SFTPD: variants seen among roughly 807,000 people sequenced by gnomAD.
SFTPD encodes pulmonary surfactant-associated protein D.
A neutral mutation model predicts 34.6 loss-of-function variants in SFTPD; 18 were observed. The observed-to-expected ratio is 0.52, with a 90% CI of 0.36 to 0.77. The LOEUF (loss-of-function observed/expected upper bound fraction) is 0.77. SFTPD is among the 30% of genes least tolerant of loss of function. The pLI is 0.00. For missense variants in SFTPD, 433 were observed against 468.9 expected (o/e 0.92, Z 0.71); for synonymous variants, 155 against 180.9 (o/e 0.86, Z 1.15).
In SFTPD at chr10:79,937,998, T is replaced by C; in HGVS notation, c.982A>G (p.Thr328Ala). ...TTGGAATAGACCAGGGACTCTCCTG[T>C]GGGGTAGGTGAACTTGCCCTCTGTC... Reference protein sequence around the residue: ...SKTEGKFTYPTGESLVYSNWA... With the variant: ...SKTEGKFTYPAGESLVYSNWA... Residue 328 changes from threonine to alanine, a missense_variant, in exon 8 of 8, where the codon ACA becomes GCA. By Grantham distance (58) the Thr-to-Ala change is moderately conservative. Transcript: ENST00000372292. The C allele has an allele frequency of 6.2e-7, 1 of 1,613,882 alleles. No homozygotes were observed. The highest frequency in any genetic ancestry group is 8.5e-7 in the Non-Finnish European group (1 of 1,179,796).
At chr10:79,941,002 T>C (rs1307710657) in intron 6 of SFTPD, among the ~76,000 whole-genome samples, 1 of 121,598 alleles carries the variant, frequency 8.2e-6, no homozygotes, top group Non-Finnish European at 1.6e-5. Context: ...TCACTGACAC[T>C]GAACCAGATG....
At chr10:79,940,029 AG>A (rs1330854545) in intron 7 of SFTPD, among the ~76,000 whole-genome samples, 1 of 152,200 alleles carries the variant, frequency 6.6e-6, no homozygotes, top group Admixed American at 6.5e-5. Context: ...GCCCAGAAGC[AG>A]CCTGCCCCCT....
intron 1 of SFTPD, among the ~76,000 whole-genome samples, chr10:79,955,657 T>C (rs2132509896): frequency 6.6e-6 from 1 of 152,350 alleles, no homozygotes; most frequent in Middle Eastern, 3.4e-3. Context: ...ATGGGCTGAA[T>C]CCAATTCACA....
At chr10:79,954,015 T>TA (rs1396844788), upstream of SFTPD, among the ~76,000 whole-genome samples, 1 of 145,286 alleles carries the variant, frequency 6.9e-6, no homozygotes, top group Non-Finnish European at 1.5e-5. Context: ...TTTTTTTTTT[T>TA]ATATAGTTTT....
intron 1 of SFTPD, among the ~76,000 whole-genome samples, chr10:79,961,306 T>G (rs1842771131): frequency 6.6e-6 from 1 of 152,082 alleles, no homozygotes; most frequent in Non-Finnish European, 1.5e-5. Context: ...GGGATCTAAT[T>G]AAACTAAAGA....
upstream of SFTPD, among the ~76,000 whole-genome samples, chr10:79,952,956 C>T (rs574917023): frequency 2.0e-5 from 3 of 152,278 alleles, no homozygotes; most frequent in African/African-American, 4.8e-5. Flanking sequence ...GAGCAACTTC[C>T]CCTCCTACCC....
At chr10:79,944,931 A>G (rs1337683073) in intron 2 of SFTPD, among the ~76,000 whole-genome samples, 1 of 152,004 alleles carries the variant, frequency 6.6e-6, no homozygotes, top group Admixed American at 6.6e-5. Context: ...GGTTGTCACA[A>G]GCACAGACTT....
intron 1 of SFTPD, among the ~76,000 whole-genome samples, chr10:79,957,786 G>A (rs553475331): frequency 6.6e-6 from 1 of 152,220 alleles, no homozygotes; most frequent in South Asian, 2.1e-4. Context: ...TTCAAATTCA[G>A]GAAATACAGA....
chr10:79,966,958 C>T lies in SFTPD; in HGVS notation c.36+15617G>A, dbSNP rs905077915. 8.1e-4 allele frequency among the ~76,000 whole-genome samples: 118 copies of T among 146,252 alleles called. 8 individuals are homozygous for T. Among genetic ancestry groups the T allele is most frequent in the African/African-American group, 2.8e-3 (106 of 38,510 alleles). ...TGTTGGACGTTCTGGCCAGGGCAAT[C>T]AGGCAGGAGAAGGAAATAAAGGGTA... On this transcript the variant is annotated intron_variant, in intron 1 of 5. Coordinates refer to the SFTPD transcript ENST00000444384.
chr10:79,954,816 G>A (rs1247668068), intron 1 of SFTPD, among the ~76,000 whole-genome samples: 1 of 152,168 alleles, frequency 6.6e-6, no homozygotes, highest in East Asian at 1.9e-4. Context: ...GAGAAGCCAA[G>A]GCAGGGCTTG....
intron 2 of SFTPD, among the ~76,000 whole-genome samples, chr10:79,945,638 C>T (rs1842656800): frequency 6.6e-6 from 1 of 152,158 alleles, no homozygotes; most frequent in African/African-American, 2.4e-5. Flanking sequence ...GATAATTCAC[C>T]TATTAGGTAC....
intron 1 of SFTPD, chr10:79,968,567 G>T (rs538012737): frequency 6.6e-6 from 1 of 152,264 alleles, no homozygotes; most frequent in Non-Finnish European, 1.5e-5. Flanking sequence ...GTCCACTGTT[G>T]ATAGGCATCT....
At chr10:79,968,218 G>A (rs1405406163) in intron 1 of SFTPD, 1 of 28,036 alleles carries the variant, frequency 3.6e-5, no homozygotes, top group African/African-American at 1.6e-4. Context: ...TAGATTTAGG[G>A]TGTACCTGTG....
intron 2 of SFTPD, among the ~76,000 whole-genome samples, chr10:79,943,470 C>T (rs17878441): frequency 0.044 from 6,632 of 152,162 alleles, 463 homozygotes; most frequent in African/African-American, 0.15. Context: ...AGCGTCCCCA[C>T]CCCAGCACTC....
At chr10:79,961,030 A>C (rs1842769388) in intron 1 of SFTPD, among the ~76,000 whole-genome samples, 1 of 152,264 alleles carries the variant, frequency 6.6e-6, no homozygotes, top group Non-Finnish European at 1.5e-5. Flanking sequence ...AACCTGACAA[A>C]AACAAGCAAT....
At chr10:79,951,424 G>A (rs993134086), upstream of SFTPD, among the ~76,000 whole-genome samples, 3 of 152,126 alleles carry the variant, frequency 2.0e-5, no homozygotes, top group African/African-American at 4.8e-5. Context: ...GGTGCCTTCC[G>A]TGGGTCACAG....
chr10:79,953,534 G>A (rs1432768475), upstream of SFTPD, among the ~76,000 whole-genome samples: 1 of 151,134 alleles, frequency 6.6e-6, no homozygotes, highest in Non-Finnish European at 1.5e-5. Flanking sequence ...TCTTTTATGT[G>A]ACAAGTCAGT....
rs1020693392 is a variant in SFTPD, at chr10:79,937,938, A to T, written c.1042T>A (p.Ser348Thr). 2.5e-6 allele frequency: 4 copies of T among 1,611,550 alleles called. No homozygotes were observed. In the African/African-American group the frequency reaches 5.4e-5, roughly 22 times the overall value. Residue 348 changes from serine to threonine, a missense_variant, in exon 8 of 8, where the codon TCA becomes ACA. Transcript: ENST00000372292. Reference protein sequence around the residue: ...APGEPNDDGGSEDCVEIFTNG... With the variant: ...APGEPNDDGGTEDCVEIFTNG... Reference sequence around the variant, plus strand: ...GTGAAGATCTCCACACAGTCCTCTGACCCGCCATCATCGTTGGGCTCCCCT... The same window carrying T: ...GTGAAGATCTCCACACAGTCCTCTGTCCCGCCATCATCGTTGGGCTCCCCT...
intron 1 of SFTPD, among the ~76,000 whole-genome samples, chr10:79,981,381 G>C (rs562294790): frequency 6.6e-6 from 1 of 152,344 alleles, no homozygotes; most frequent in Admixed American, 6.5e-5. Context: ...AGGGAAATCA[G>C]AGTAAAAAGT....
Sources: allele counts gnomAD v4.1 joint callset (sites outside exome capture counted in the v4.1 genomes callset), GRCh38; gene constraint gnomAD v4.1.1; transcripts MANE v1.5; gene names NCBI Gene and HGNC (gene_info 2026-07-23, HGNC 2026-07-21).